The following CTNNA2 variants were observed in gnomAD, a reference collection of about 807,000 sequenced individuals.
CTNNA2 encodes the protein catenin alpha 2, also known as catenin alpha-2.
In CTNNA2, 42 loss-of-function variants were observed where a neutral mutation model predicts 101.0. The ratio of observed to expected loss-of-function variants is 0.42; its 90% CI spans 0.32 to 0.54. CTNNA2 has a LOEUF of 0.54. Among genes scored for constraint, CTNNA2 ranks in the 20% least tolerant of loss-of-function variants. CTNNA2 has a pLI of 0.14. For missense variants in CTNNA2, 871 were observed against 1,223.1 expected (o/e 0.71, Z 4.29); for synonymous variants, 450 against 456.4 (o/e 0.99, Z 0.18).
intron 2 of CTNNA2, among the ~76,000 whole-genome samples, chr2:79,212,621 C>T (rs961483099): frequency 5.3e-5 from 8 of 152,186 alleles, no homozygotes; most frequent in Admixed American, 3.9e-4. Flanking sequence ...TAATGAAGGC[C>T]GGTCCACTAT....
intron 1 of CTNNA2, among the ~76,000 whole-genome samples, chr2:79,537,398 T>C (rs977101813): frequency 6.6e-6 from 1 of 152,204 alleles, no homozygotes; most frequent in Non-Finnish European, 1.5e-5. Context: ...TTTCCCGTGC[T>C]CTTGCATCAC....
chr2:80,268,465 T>C (rs981990750), intron 7 of CTNNA2, among the ~76,000 whole-genome samples: 3 of 152,204 alleles, frequency 2.0e-5, no homozygotes, highest in Non-Finnish European at 4.4e-5. Flanking sequence ...TAGTTTTCCT[T>C]ATTGGTTTTC....
chr2:79,581,741 C>T (rs1242049223), intron 1 of CTNNA2, among the ~76,000 whole-genome samples: 1 of 152,096 alleles, frequency 6.6e-6, no homozygotes, highest in African/African-American at 2.4e-5. Context: ...TGAAAAGGAA[C>T]GAGTGGCGTA....
chr2:79,415,057 T>C (rs1558661769), intron 4 of CTNNA2, among the ~76,000 whole-genome samples: 4 of 152,168 alleles, frequency 2.6e-5, no homozygotes, highest in Non-Finnish European at 5.9e-5. Flanking sequence ...GTGGTTTAGA[T>C]GTGTGTCCTC....
intron 4 of CTNNA2, among the ~76,000 whole-genome samples, chr2:79,424,259 A>G (rs1678570279): frequency 6.6e-6 from 1 of 152,174 alleles, no homozygotes; most frequent in Non-Finnish European, 1.5e-5. Flanking sequence ...AGATGTCCAA[A>G]ATAAGTTTAT....
chr2:80,383,931 C>A (rs543890336), intron 7 of CTNNA2, among the ~76,000 whole-genome samples: 2 of 152,066 alleles, frequency 1.3e-5, no homozygotes, highest in Admixed American at 6.6e-5. Context: ...TGACCATCAA[C>A]GGTAGAATGG....
At position 79,213,727 on chromosome 2, in the gene CTNNA2, T is replaced by C. The variant is rs969418017; in HGVS notation, c.-406+15651T>C. ...TCCAGAATAATGTGGGAGGCTGGAT[T>C]GAAGTCCGGGCAAGGAACAATGGTA... On this transcript the variant is annotated intron_variant, in intron 2 of 21. Transcript: ENST00000466387. 5.9e-5 allele frequency among the ~76,000 whole-genome samples: 9 copies of C among 152,270 alleles called. No homozygotes were observed. The South Asian group carries it at 1.7e-3, about 28-fold the overall frequency.
At chr2:79,838,424 A>G (rs1249802598) in intron 3 of CTNNA2, among the ~76,000 whole-genome samples, 1 of 152,202 alleles carries the variant, frequency 6.6e-6, no homozygotes, top group Admixed American at 6.5e-5. Flanking sequence ...CGAAAAATAC[A>G]GAAGGGGTTT....
rs146927577 is a variant in CTNNA2, at chr2:79,372,713, C to T, written c.-317-1118C>T. On this transcript the variant is annotated intron_variant, in intron 3 of 21. Transcript: ENST00000466387. ...CTCCCCAGAATACAAAGACATTCAA[C>T]GGTTAAAAACCAGAGATCGACAAGA... 3.1e-3 allele frequency among the ~76,000 whole-genome samples: 472 copies of T among 152,204 alleles called. 6 individuals carry two copies. In the East Asian group the frequency reaches 0.031, roughly 10 times the overall value.
chr2:80,231,707 C>T (rs1010186153), intron 7 of CTNNA2, among the ~76,000 whole-genome samples: 57 of 152,164 alleles, frequency 3.7e-4, no homozygotes, highest in African/African-American at 9.7e-4. Flanking sequence ...CAACCTGACA[C>T]TGGTATAGCA....
chr2:80,384,585 G>A (rs1447138720), intron 7 of CTNNA2, among the ~76,000 whole-genome samples: 2 of 151,484 alleles, frequency 1.3e-5, no homozygotes, highest in African/African-American at 2.4e-5. Context: ...TGTGGCATTC[G>A]AGATCTCCAC....
At chr2:80,198,359 T>C (rs943884115) in intron 7 of CTNNA2, among the ~76,000 whole-genome samples, 1 of 152,214 alleles carries the variant, frequency 6.6e-6, no homozygotes, top group African/African-American at 2.4e-5. Context: ...GATTAAATTC[T>C]GGACAATAAT....
At chr2:79,350,073 CAAAAAAAAAA>C (rs59503765) in intron 3 of CTNNA2, among the ~76,000 whole-genome samples, 54 of 57,454 alleles carry the variant, frequency 9.4e-4, no homozygotes, top group Non-Finnish European at 1.7e-3. Context: ...GACTCCTTCT[CAAAAAAAAAA>C]AAAAAAAAAA....
chr2:80,589,913 C>A (rs79492314), intron 15 of CTNNA2, among the ~76,000 whole-genome samples: 1 of 150,382 alleles, frequency 6.6e-6, no homozygotes, highest in Admixed American at 6.6e-5. Flanking sequence ...TGTGCGCGCG[C>A]GCGCATGTAT....
intron 7 of CTNNA2, among the ~76,000 whole-genome samples, chr2:79,971,901 G>A (rs964087801): frequency 6.6e-6 from 1 of 152,188 alleles, no homozygotes; most frequent in Non-Finnish European, 1.5e-5. Flanking sequence ...CTTACAAGTT[G>A]GTTCTAGTTG....
intron 7 of CTNNA2, among the ~76,000 whole-genome samples, chr2:80,342,457 A>G (rs145324882): frequency 6.6e-6 from 1 of 152,352 alleles, no homozygotes; most frequent in Non-Finnish European, 1.5e-5. Flanking sequence ...GCTAATTGAC[A>G]GTGTCGTCAG....
intron 9 of CTNNA2, among the ~76,000 whole-genome samples, chr2:80,467,888 C>T (rs1017346808): frequency 5.9e-5 from 9 of 152,156 alleles, no homozygotes; most frequent in Admixed American, 2.6e-4. Context: ...TGACCCTGGA[C>T]TTCCCAGCCT....
At chr2:80,137,302 G>A (rs956820557) in intron 7 of CTNNA2, among the ~76,000 whole-genome samples, 1 of 152,098 alleles carries the variant, frequency 6.6e-6, no homozygotes, top group African/African-American at 2.4e-5. Context: ...GAAGTTATAG[G>A]CAATTGAATT....
chr2:79,513,103 TTG>T lies in CTNNA2; in HGVS notation c.-108_-107del, dbSNP rs1406851213. ...GAGGCGGCTGCAGCAGCTGCTGCCC[TTG>T]TCCCTGCCGCCGCCTCTCCAGTCCC... is the stretch of plus-strand genomic sequence containing the variant. On this transcript the variant is annotated 5_prime_UTR_variant, in exon 1 of 19. Transcript: ENST00000402739. The T allele has an allele frequency of 6.6e-6, 1 of 152,100 alleles. No individual in the cohort carries two copies. Among genetic ancestry groups the T allele is most frequent in the Non-Finnish European group, 1.5e-5 (1 of 68,076 alleles). 9.4% of individuals were successfully genotyped at this position (152,100 alleles called of 1,614,324 possible).
Sources: gnomAD v4.1 joint callset for allele counts (sites outside exome capture counted in the v4.1 genomes callset) on GRCh38, gnomAD v4.1.1 for gene constraint, MANE v1.5 for transcripts, NCBI Gene and HGNC (gene_info 2026-07-23, HGNC 2026-07-21) for gene names.